Variants in SON observed in about 807,000 individuals in gnomAD.
SON encodes SON DNA and RNA binding protein.
Under a neutral mutation model 173.3 loss-of-function variants are expected in SON, and 4 were observed. The ratio of observed to expected loss-of-function variants is 0.02; its 90% CI spans 0.01 to 0.05. The LOEUF (loss-of-function observed/expected upper bound fraction) is 0.05, where lower values mean the gene tolerates loss of function less well. SON is among the 10% of genes least tolerant of loss of function. SON has a pLI of 1.00. For missense variants in SON, 2,626 were observed against 3,055.3 expected (o/e 0.86, Z 3.31); for synonymous variants, 1,190 against 1,105.9 (o/e 1.08, Z -1.51).
intron 6 of SON, among the ~76,000 whole-genome samples, chr21:33,564,861 C>CGAA (rs2086136703): frequency 1.0e-5 from 1 of 98,304 alleles, no homozygotes; most frequent in Non-Finnish European, 2.0e-5. Flanking sequence ...AACTCCATCT[C>CGAA]AAAAAAAAAA....
intron 7 of SON, 23 bp from the exon 8 acceptor site, chr21:33,568,948 C>A: frequency 7.0e-7 from 1 of 1,434,366 alleles, no homozygotes; most frequent in Non-Finnish European, 9.7e-7. Context: ...ACTTAGTTAA[C>A]TGAGACTACT....
rs1053340311 is a variant in SON, at chr21:33,576,949, A to AC, written c.*527dup. Reference sequence around the variant, plus strand: ...GCCTGTAATCAGTGAAGGGCTGTGCACCTTGTACTATTTCACAATGGGTTC... The same window carrying AC: ...GCCTGTAATCAGTGAAGGGCTGTGCACCCTTGTACTATTTCACAATGGGTTC... On this transcript the variant is annotated 3_prime_UTR_variant, in exon 12 of 12. Coordinates refer to ENST00000356577, the MANE Select transcript of SON (RefSeq NM_138927.4). 4.9e-6 allele frequency: 1 copy of AC among 204,508 alleles called. No individual in the cohort carries two copies. Among genetic ancestry groups the AC allele is most frequent in the African/African-American group, 2.3e-5 (1 of 43,890 alleles). 12.7% of individuals were successfully genotyped at this position (204,508 alleles called of 1,614,324 possible). A position where few individuals can be genotyped will look rare whatever the true frequency, so the allele number is the denominator to read the frequency against.
At chr21:33,567,669 G>T (rs1023935259) in intron 7 of SON, among the ~76,000 whole-genome samples, 2 of 152,132 alleles carry the variant, frequency 1.3e-5, no homozygotes, top group Non-Finnish European at 2.9e-5. Context: ...TGTAATCCCA[G>T]CACTTTGGGA....
chr21:33,551,770 G>C lies in SON; in HGVS notation c.2539G>C (p.Ala847Pro), dbSNP rs766258977. ...CAGCACCATGGATTCTCAGATGTTAGCAACCAGCACCATGGACTCCCAGAT... is the reference window on the plus strand; with the variant it reads ...CAGCACCATGGATTCTCAGATGTTACCAACCAGCACCATGGACTCCCAGAT... Reference protein sequence around the residue: ...ATSTMDSQMLATSTMDSQMLA... With the variant: ...ATSTMDSQMLPTSTMDSQMLA... The change falls in exon 3 of 12, where the codon GCA becomes CCA. Residue 847 changes from alanine to proline, a missense_variant. Physicochemically the swap from Ala to Pro is conservative, Grantham distance 27. Around this residue, in one of 13 missense-constraint regions of SON, gnomAD observed 38 missense variants for 92.1 expected, o/e 0.41. Coordinates refer to ENST00000356577, the MANE Select transcript of SON (RefSeq NM_138927.4). The C allele has an allele frequency of 4.3e-6, 7 of 1,613,090 alleles. No homozygotes were observed. The African/African-American group carries it at 5.3e-5, about 12-fold the overall frequency.
chr21:33,557,114 A>G, intron 3 of SON, 42 bp from the exon 4 acceptor site: 1 of 1,576,162 alleles, frequency 6.3e-7, no homozygotes, highest in East Asian at 2.2e-5. Context: ...CAAAATGTAC[A>G]GTCTTTTAGG....
chr21:33,573,222 TTCC>T, intron 8 of SON, 83 bp from the exon 9 acceptor site: 1 of 1,127,322 alleles, frequency 8.9e-7, no homozygotes, highest in Non-Finnish European at 1.3e-6. Context: ...TAAAGTAAGA[TTCC>T]TCTTTTTAGA....
intron 6 of SON, among the ~76,000 whole-genome samples, chr21:33,565,907 T>C (rs183169714): frequency 7.0e-4 from 107 of 152,290 alleles, no homozygotes; most frequent in Admixed American, 1.8e-3. Flanking sequence ...TAACTAAGAA[T>C]TATGGAGGAT....
chr21:33,560,516 C>G (rs1349023806), intron 6 of SON: 5 of 998,056 alleles, frequency 5.0e-6, no homozygotes, highest in African/African-American at 1.7e-5. Flanking sequence ...TAAAATGCCG[C>G]CTGATTAAAT....
chr21:33,575,196 C>T (rs1483256204), intron 9 of SON, among the ~76,000 whole-genome samples: 3 of 151,928 alleles, frequency 2.0e-5, no homozygotes, highest in Non-Finnish European at 2.9e-5. Context: ...CCACCACGCC[C>T]GGCTAATTTT....
chr21:33,549,791 T>C lies in SON; in HGVS notation c.560T>C (p.Leu187Pro), dbSNP rs1318301161. 3 of 1,614,094 alleles carry C rather than the reference T, an allele frequency of 1.9e-6. No homozygotes were observed. Among genetic ancestry groups the C allele is most frequent in the Non-Finnish European group, 2.5e-6 (3 of 1,180,036 alleles). Residue 187 changes from leucine to proline, a missense_variant, in exon 3 of 12, where the codon CTA (leucine) becomes CCA (proline). By Grantham distance (98) the Leu-to-Pro change is moderately conservative. This residue lies in a region of SON where 757 missense variants were observed against 730.1 expected (regional missense o/e 1.04). Transcript: ENST00000356577. Reference protein sequence around the residue: ...SETNESPAVVLEPPVVSMEVS... With the variant: ...SETNESPAVVPEPPVVSMEVS... ...ACCAATGAATCCCCTGCAGTTGTGC[T>C]AGAACCTCCTGTAGTATCAATGGAG...
In SON at chr21:33,566,786, C is replaced by T. The variant is rs115291419; in HGVS notation, c.6658-371C>T. ...GAAAACTGCTAAGGAATGTAATAAC[C>T]TTACCACAGTTCAAAAAATTTGCAG... On this transcript the variant is annotated intron_variant, in intron 6 of 11. Coordinates refer to ENST00000356577, the MANE Select transcript of SON (RefSeq NM_138927.4). Among the ~76,000 whole-genome samples, 631 of 152,088 alleles carry T rather than the reference C, an allele frequency of 4.1e-3. 8 individuals are homozygous for T. The highest frequency in any genetic ancestry group is 0.014 in the African/African-American group (576 of 41,486).
In SON at chr21:33,551,471, C is replaced by T. The variant is rs868370348; in HGVS notation, c.2240C>T (p.Ala747Val). 2.5e-6 allele frequency: 4 copies of T among 1,614,154 alleles called. No homozygotes were observed. In the Middle Eastern group the frequency reaches 6.6e-4, roughly 266 times the overall value. ...AACACCATGGACTCCCAGATGCTAG[C>T]ATCCAACACCATGGACTCCCAGATG... ...ASNTMDSQML[A>V]SNTMDSQMLA... The change falls in exon 3 of 12, where the codon GCA (alanine) becomes GTA (valine). Residue 747 changes from alanine to valine, a missense_variant. Ala to Val is a moderately conservative substitution (Grantham distance 64). This residue lies in a region of SON where 182 missense variants were observed against 193.6 expected (regional missense o/e 0.94). Transcript: ENST00000356577.
At position 33,554,882 on chromosome 21, in the gene SON, G is replaced by A; in HGVS notation, c.5651G>A (p.Arg1884Lys). 1.2e-6 allele frequency: 2 copies of A among 1,614,138 alleles called. No individual in the cohort carries two copies. Among genetic ancestry groups the A allele is most frequent in the Middle Eastern group, 1.6e-4 (1 of 6,062 alleles). The stretch of plus-strand genomic sequence containing the variant: ...TCAAGATCAAAGTCTAGAGGAAGAA[G>A]ATCTGTATCAAAAGAGAAGCGCAAA... ...SRSRSKSRGR[R>K]SVSKEKRKRS... The change falls in exon 3 of 12, where the codon AGA becomes AAA. Residue 1884 changes from arginine (R) to lysine (K), a missense_variant. Physicochemically the swap from Arg to Lys is conservative, Grantham distance 26. Around this residue, in one of 13 missense-constraint regions of SON, gnomAD observed 1,006 missense variants for 895.6 expected, o/e 1.12. Transcript: ENST00000356577.
intron 1 of SON, chr21:33,543,500 C>A: frequency 3.1e-6 from 1 of 326,644 alleles, no homozygotes; most frequent in South Asian, 3.3e-5. Context: ...GGCCTAGTTC[C>A]TTCCTCAGCT....
In SON at chr21:33,554,010, A is replaced by G. The variant is rs965220193; in HGVS notation, c.4779A>G (p.Leu1593=). 7 of 1,614,020 alleles carry G rather than the reference A, an allele frequency of 4.3e-6. No individual in the cohort carries two copies. The highest frequency in any genetic ancestry group is 3.3e-5 in the Admixed American group (2 of 60,002). ...GTGAAGCTGATGCAGGAGAAACTCT[A>G]TCTTCTACTGGTCCTTTTGCTCTGG... ...GVSEADAGET[L]SSTGPFALEP... is the part of the protein sequence containing the mutation. The change falls in exon 3 of 12, where the codon CTA becomes CTG. Residue 1593 remains leucine, a synonymous_variant. Coordinates refer to ENST00000356577, the MANE Select transcript of SON (RefSeq NM_138927.4).
chr21:33,549,019 T>C (rs1345219461), intron 2 of SON, among the ~76,000 whole-genome samples: 2 of 152,128 alleles, frequency 1.3e-5, no homozygotes, highest in Admixed American at 6.5e-5. Flanking sequence ...CCAGGTTAAC[T>C]GTTTTATGAA....
intron 1 of SON, 146 bp from the exon 2 acceptor site, chr21:33,546,067 A>T: frequency 1.7e-6 from 1 of 579,888 alleles, no homozygotes; most frequent in Non-Finnish European, 2.9e-6. Context: ...TCATGGTAAG[A>T]AGCATTATTA....
Position 33,575,525 on chromosome 21 carries a change from A to G in SON, c.7034-71A>G, listed in dbSNP as rs1405537083. ...TGAAGGCATACATTTTGAGGTTCAG[A>G]CTCCTACAGAGGGATCTTTGTTTTA... is the stretch of plus-strand genomic sequence containing the variant. On this transcript the variant is annotated intron_variant, in intron 9 of 11. Transcript: ENST00000356577. The G allele has an allele frequency of 5.6e-6, 6 of 1,078,128 alleles. No individual in the cohort carries two copies. In the African/African-American group the frequency reaches 9.6e-5, roughly 17 times the overall value. 66.8% of individuals were successfully genotyped at this position (1,078,128 alleles called of 1,614,324 possible). A position where few individuals can be genotyped will look rare whatever the true frequency, so the allele number is the denominator to read the frequency against.
At position 33,553,381 on chromosome 21, in the gene SON, C is replaced by G. The variant is rs1455315771; in HGVS notation, c.4150C>G (p.Leu1384Val). The G allele has an allele frequency of 6.2e-7, 1 of 1,613,696 alleles. No homozygotes were observed. The highest frequency in any genetic ancestry group is 8.5e-7 in the Non-Finnish European group (1 of 1,179,656). ...TVLESSTVTVLEPSVVTVPEP... is the reference protein window; with the variant it reads ...TVLESSTVTVVEPSVVTVPEP... Reference sequence around the variant, plus strand: ...CCTGGAGTCTTCGACTGTAACTGTCCTGGAGCCTTCGGTTGTGACTGTCCC... The same window carrying G: ...CCTGGAGTCTTCGACTGTAACTGTCGTGGAGCCTTCGGTTGTGACTGTCCC... The change falls in exon 3 of 12, where the codon CTG becomes GTG. Residue 1384 changes from leucine (L) to valine (V), a missense_variant. Physicochemically the swap from Leu to Val is conservative, Grantham distance 32. This residue lies in a region of SON where 1,006 missense variants were observed against 895.6 expected (regional missense o/e 1.12). Coordinates refer to ENST00000356577, the MANE Select transcript of SON (RefSeq NM_138927.4).
Sources: allele counts gnomAD v4.1 joint callset (sites outside exome capture counted in the v4.1 genomes callset), GRCh38; gene constraint gnomAD v4.1.1; regional missense constraint gnomAD v4.1.1; transcripts MANE v1.5; gene names NCBI Gene and HGNC (gene_info 2026-07-23, HGNC 2026-07-21).